Variants in LINGO2 observed in about 807,000 individuals in gnomAD.
The protein encoded by LINGO2 is leucine rich repeat and Ig domain containing 2.
LINGO2 carries 14 observed loss-of-function variants against 30.6 expected under a neutral mutation model. That is an observed-to-expected ratio of 0.46 (90% CI 0.30 to 0.72). The LOEUF is 0.72. Among genes scored for constraint, LINGO2 ranks in the 30% least tolerant of loss-of-function variants. The pLI, the probability that LINGO2 is intolerant of heterozygous loss-of-function variation, is 0.07. For synonymous variants in LINGO2, 317 were observed against 288.5 expected, an observed-to-expected ratio of 1.10 and a Z score of -1.00; for missense variants, 729 against 751.7, an observed-to-expected ratio of 0.97 and a Z score of 0.35.
chr9:28,074,569 A>G (rs1825570769), intron 4 of LINGO2, among the ~76,000 whole-genome samples: 1 of 152,160 alleles, frequency 6.6e-6, no homozygotes, highest in Non-Finnish European at 1.5e-5. Context: ...GTCATATACC[A>G]GAGGAAGTAC....
chr9:28,934,850 T>C, the LINGO2 span, among the ~76,000 whole-genome samples: 31 of 152,280 alleles, frequency 2.0e-4, no homozygotes, highest in African/African-American at 6.7e-4. Flanking sequence ...TAATTCAGAT[T>C]GCCTTGGTAA....
chr9:28,618,568 AT>A (rs1156582981), intron 1 of LINGO2, among the ~76,000 whole-genome samples: 1 of 152,168 alleles, frequency 6.6e-6, no homozygotes, highest in Non-Finnish European at 1.5e-5. Context: ...AAACATTTAA[AT>A]CCCTCCACCA....
chr9:28,267,918 C>T (rs1822811611), intron 4 of LINGO2, among the ~76,000 whole-genome samples: 1 of 151,934 alleles, frequency 6.6e-6, no homozygotes, highest in Admixed American at 6.6e-5. Flanking sequence ...CTCTCGGAGC[C>T]TTAGTTTTCT....
the LINGO2 span, among the ~76,000 whole-genome samples, chr9:29,106,653 C>G: frequency 6.6e-6 from 1 of 152,118 alleles, no homozygotes; most frequent in Non-Finnish European, 1.5e-5. Context: ...GTTTATTATA[C>G]TTCTTATACT....
At chr9:28,497,253 T>C (rs531396396) in intron 1 of LINGO2, among the ~76,000 whole-genome samples, 39 of 152,304 alleles carry the variant, frequency 2.6e-4, no homozygotes, top group African/African-American at 9.1e-4. Context: ...CTGCAGAGTG[T>C]TTTCCAACTT....
the LINGO2 span, among the ~76,000 whole-genome samples, chr9:28,896,237 G>A: frequency 6.6e-6 from 1 of 152,094 alleles, no homozygotes; most frequent in African/African-American, 2.4e-5. Flanking sequence ...GTTCATGTTA[G>A]CTACTTACAA....
intron 3 of LINGO2, among the ~76,000 whole-genome samples, chr9:28,318,900 G>T (rs1346829229): frequency 3.3e-5 from 5 of 152,048 alleles, no homozygotes; most frequent in Admixed American, 1.3e-4. Flanking sequence ...AATCTTTATT[G>T]TTTCCCACTT....
At chr9:28,029,935 C>T (rs1033974350) in intron 4 of LINGO2, among the ~76,000 whole-genome samples, 10 of 152,080 alleles carry the variant, frequency 6.6e-5, no homozygotes, top group Non-Finnish European at 1.3e-4. Context: ...TAGGAAGATT[C>T]CTACTGAAGG....
chr9:28,545,513 T>C (rs1284055927), intron 1 of LINGO2, among the ~76,000 whole-genome samples: 2 of 151,998 alleles, frequency 1.3e-5, no homozygotes, highest in Non-Finnish European at 1.5e-5. Context: ...GGCACTATAA[T>C]ATATGGGAAG....
At chr9:28,055,828 T>A (rs1824910393) in intron 4 of LINGO2, among the ~76,000 whole-genome samples, 1 of 152,164 alleles carries the variant, frequency 6.6e-6, no homozygotes, top group African/African-American at 2.4e-5. Context: ...AAAAAAGTCT[T>A]CTTGCTTAGT....
chr9:29,080,354 T>C, the LINGO2 span, among the ~76,000 whole-genome samples: 1 of 152,290 alleles, frequency 6.6e-6, no homozygotes, highest in South Asian at 2.1e-4. Flanking sequence ...TTAGTCTTGC[T>C]AGCGGTCTAT....
chr9:28,992,251 G>T, the LINGO2 span, among the ~76,000 whole-genome samples: 1 of 151,774 alleles, frequency 6.6e-6, no homozygotes, highest in Non-Finnish European at 1.5e-5. Context: ...AACCAACAAA[G>T]ATCAAAAGAG....
At chr9:29,150,798 G>A in the LINGO2 span, among the ~76,000 whole-genome samples, 1 of 152,110 alleles carries the variant, frequency 6.6e-6, no homozygotes, top group Non-Finnish European at 1.5e-5. Flanking sequence ...TGAGAGATTA[G>A]GAGGGAGAAT....
At chr9:28,829,021 C>G in the LINGO2 span, among the ~76,000 whole-genome samples, 1 of 152,094 alleles carries the variant, frequency 6.6e-6, no homozygotes, top group Non-Finnish European at 1.5e-5. Flanking sequence ...GTTGCCTTTT[C>G]CAAAACCACC....
chr9:28,066,280 A>C (rs1450457463), intron 4 of LINGO2, among the ~76,000 whole-genome samples: 1 of 152,092 alleles, frequency 6.6e-6, no homozygotes, highest in Non-Finnish European at 1.5e-5. Flanking sequence ...AACAGAGAAA[A>C]AGTTTGGAGA....
intron 4 of LINGO2, among the ~76,000 whole-genome samples, chr9:28,263,069 A>G (rs1016225623): frequency 7.0e-4 from 107 of 151,838 alleles, no homozygotes; most frequent in African/African-American, 2.4e-3. Context: ...TAGAGGTACA[A>G]CCCCCTGTTA....
chr9:28,002,245 TTC>T (rs924533586), intron 5 of LINGO2, among the ~76,000 whole-genome samples: 3 of 148,050 alleles, frequency 2.0e-5, no homozygotes, highest in African/African-American at 4.9e-5. Context: ...ACAAATTAAA[TTC>T]TCTCTTCCCT....
the LINGO2 span, among the ~76,000 whole-genome samples, chr9:29,005,703 A>G: frequency 6.6e-6 from 1 of 152,022 alleles, no homozygotes; most frequent in Non-Finnish European, 1.5e-5. Flanking sequence ...ACCCACATAT[A>G]TGAAAACCCG....
At chr9:28,979,534 G>A in the LINGO2 span, among the ~76,000 whole-genome samples, 2 of 151,792 alleles carry the variant, frequency 1.3e-5, no homozygotes, top group East Asian at 1.9e-4. Flanking sequence ...ACACACACAC[G>A]TGGCCTTGAA....
Sources: gnomAD v4.1 joint callset for allele counts (sites outside exome capture counted in the v4.1 genomes callset) on GRCh38, gnomAD v4.1.1 for gene constraint, MANE v1.5 for transcripts, NCBI Gene and HGNC (gene_info 2026-07-23, HGNC 2026-07-21) for gene names.